Variants in CAST observed in about 807,000 individuals in gnomAD.
CAST encodes the protein MIR583 host.
In CAST, 76 loss-of-function variants were observed where a neutral mutation model predicts 119.6. That is an observed-to-expected ratio of 0.64 (90% CI 0.53 to 0.77). The LOEUF is 0.77. CAST is among the 30% of genes least tolerant of loss of function. The pLI, the probability that CAST is intolerant of heterozygous loss-of-function variation, is 0.00. For missense variants in CAST, 953 were observed against 946.5 expected (o/e 1.01, Z -0.09); for synonymous variants, 319 against 331.6 (o/e 0.96, Z 0.41).
chr5:96,002,775 T>C, the CAST span, among the ~76,000 whole-genome samples: 7,475 of 152,322 alleles, frequency 0.049, 270 homozygotes, highest in Non-Finnish European at 0.069. Context: ...CTGACTTTCA[T>C]CTGCCATAAA....
chr5:96,576,454 C>T (rs930868858), intron 1 of CAST, among the ~76,000 whole-genome samples: 2 of 151,950 alleles, frequency 1.3e-5, no homozygotes, highest in African/African-American at 4.8e-5. Context: ...AAGTGATTCT[C>T]GTGCCTCAGC....
chr5:96,375,912 T>TAAAA, the CAST span, among the ~76,000 whole-genome samples: 1 of 146,588 alleles, frequency 6.8e-6, no homozygotes, highest in South Asian at 2.1e-4. Flanking sequence ...TATATATATA[T>TAAAA]AAATATATAA....
chr5:96,320,887 G>A, the CAST span, among the ~76,000 whole-genome samples: 2 of 152,282 alleles, frequency 1.3e-5, no homozygotes, highest in African/African-American at 2.4e-5. Flanking sequence ...CCAGCAGCCT[G>A]CAGTCTGAAT....
chr5:96,035,977 T>C, the CAST span, among the ~76,000 whole-genome samples: 1 of 151,900 alleles, frequency 6.6e-6, no homozygotes, highest in Non-Finnish European at 1.5e-5. Flanking sequence ...AAAATATTAC[T>C]CTATCTGGAA....
chr5:96,337,103 A>G, the CAST span, among the ~76,000 whole-genome samples: 154 of 152,318 alleles, frequency 1.0e-3, 1 homozygote, highest in African/African-American at 3.5e-3. Flanking sequence ...GATGAATTTA[A>G]CCCTGATATC....
chr5:96,706,379 A>G (rs1263220178), intron 3 of CAST, among the ~76,000 whole-genome samples: 11 of 152,204 alleles, frequency 7.2e-5, no homozygotes. Context: ...GGTATGGCCC[A>G]TATAACAAAT....
intron 9 of CAST, among the ~76,000 whole-genome samples, chr5:96,735,460 G>A (rs572405964): frequency 9.8e-5 from 15 of 152,324 alleles, no homozygotes; most frequent in African/African-American, 3.6e-4. Flanking sequence ...GAATGATTTT[G>A]GATAAGACCA....
At chr5:96,717,822 T>C (rs1757450945) in intron 3 of CAST, among the ~76,000 whole-genome samples, 1 of 152,212 alleles carries the variant, frequency 6.6e-6, no homozygotes, top group African/African-American at 2.4e-5. Context: ...CAGAAGGCAT[T>C]AAACTTTGTC....
the CAST span, among the ~76,000 whole-genome samples, chr5:96,321,114 A>G: frequency 1.3e-5 from 2 of 152,202 alleles, no homozygotes; most frequent in African/African-American, 4.8e-5. Flanking sequence ...TCACTCAGCT[A>G]TCTGCCTAGC....
chr5:96,680,377 AAAG>A (rs1234899701), intron 2 of CAST, among the ~76,000 whole-genome samples: 3,869 of 100,662 alleles, frequency 0.038, 290 homozygotes, highest in African/African-American at 0.065. Flanking sequence ...AAAAAAAAAA[AAAG>A]AAGAAGAAGA....
At chr5:96,216,571 A>C in the CAST span, among the ~76,000 whole-genome samples, 1 of 152,168 alleles carries the variant, frequency 6.6e-6, no homozygotes. Flanking sequence ...TGTGTTATAC[A>C]TTGGTGATTT....
intron 1 of CAST, among the ~76,000 whole-genome samples, chr5:96,576,455 G>A (rs1052231287): frequency 3.3e-5 from 5 of 151,694 alleles, no homozygotes; most frequent in African/African-American, 9.7e-5. Context: ...AGTGATTCTC[G>A]TGCCTCAGCC....
chr5:96,766,021 A>T, intron 26 of CAST, 32 bp from the exon 27 acceptor site: 1 of 1,178,422 alleles, frequency 8.5e-7, no homozygotes, highest in Non-Finnish European at 1.3e-6. Context: ...GAGGAAATGA[A>T]TATTAATTCT....
intron 3 of CAST, among the ~76,000 whole-genome samples, chr5:96,708,233 G>A (rs1327174771): frequency 3.3e-5 from 5 of 152,284 alleles, no homozygotes; most frequent in Admixed American, 6.5e-5. Context: ...AGAGAGGTGA[G>A]TCTGCATCAG....
intron 17 of CAST, among the ~76,000 whole-genome samples, 190 bp from the exon 18 acceptor site, chr5:96,747,155 A>G (rs1403634164): frequency 2.0e-5 from 3 of 152,174 alleles, no homozygotes; most frequent in Non-Finnish European, 4.4e-5. Flanking sequence ...GCTTGGTAAC[A>G]TCTCGATTTT....
chr5:96,417,541 G>A, the CAST span, among the ~76,000 whole-genome samples: 1 of 151,900 alleles, frequency 6.6e-6, no homozygotes, highest in African/African-American at 2.4e-5. Context: ...TTCCATGTGA[G>A]TCATATGGGT....
the CAST span, among the ~76,000 whole-genome samples, chr5:96,106,372 T>G: frequency 6.6e-6 from 1 of 152,342 alleles, no homozygotes; most frequent in Non-Finnish European, 1.5e-5. Flanking sequence ...TGCTATAAAT[T>G]TCCCTCTACA....
the CAST span, among the ~76,000 whole-genome samples, chr5:96,504,359 C>G: frequency 6.6e-6 from 1 of 152,172 alleles, no homozygotes; most frequent in African/African-American, 2.4e-5. Context: ...AAAAGTCCTC[C>G]AAAGAATTCC....
chr5:96,131,770 C>T, the CAST span, among the ~76,000 whole-genome samples: 1 of 152,146 alleles, frequency 6.6e-6, no homozygotes. Context: ...TTCACACCAA[C>T]TTTTGATAAT....
Sources: allele counts gnomAD v4.1 joint callset (sites outside exome capture counted in the v4.1 genomes callset), GRCh38; gene constraint gnomAD v4.1.1; transcripts MANE v1.5; gene names NCBI Gene and HGNC (gene_info 2026-07-23, HGNC 2026-07-21).